The following TEX22 variants were observed in gnomAD, a reference collection of about 807,000 sequenced individuals.
TEX22 encodes the protein testis expressed 22.
Under a neutral mutation model 11.3 loss-of-function variants are expected in TEX22, and 16 were observed. That is an observed-to-expected ratio of 1.42 (90% CI 0.96 to 2.15). The LOEUF (loss-of-function observed/expected upper bound fraction) is 2.15. TEX22 is among the 30% of genes most tolerant of loss of function. The probability of loss-of-function intolerance (pLI) is 0.00; values close to 1 mark genes in which losing one functional copy is unlikely to be tolerated. For synonymous variants in TEX22, 97 were observed against 92.3 expected, an observed-to-expected ratio of 1.05 and a Z score of -0.29; for missense variants, 220 against 208.6, an observed-to-expected ratio of 1.05 and a Z score of -0.34.
At chr14:105,406,345 C>T (rs1555418870) in intron 2 of TEX22, among the ~76,000 whole-genome samples, 1 of 152,184 alleles carries the variant, frequency 6.6e-6, no homozygotes, top group African/African-American at 2.4e-5. Context: ...ATATTTATAA[C>T]ATTCAAATGT....
chr14:105,406,031 G>A (rs587693347), intron 2 of TEX22, among the ~76,000 whole-genome samples: 2 of 152,306 alleles, frequency 1.3e-5, no homozygotes, highest in South Asian at 2.1e-4. Context: ...TTTCAGAGTA[G>A]TGAGAAACAG....
chr14:105,408,075 A>G (rs999423726), intron 2 of TEX22, among the ~76,000 whole-genome samples: 2 of 152,142 alleles, frequency 1.3e-5, no homozygotes, highest in African/African-American at 2.4e-5. Context: ...TGGATTACTC[A>G]TTACTTAAAT....
intron 3 of TEX22, 25 bp downstream of exon 3, chr14:105,411,521 G>GGGGGGCCCCCCCCCCCCC: frequency 2.2e-6 from 1 of 458,520 alleles, no homozygotes. Context: ...GGTCCTCCCC[G>GGGGGGCCCCCCCCCCCCC]CCCCGTCCCC....
At chr14:105,409,831 C>T (rs1195491110) in intron 2 of TEX22, among the ~76,000 whole-genome samples, 4 of 150,020 alleles carry the variant, frequency 2.7e-5, no homozygotes, top group African/African-American at 9.9e-5. Context: ...GGCTGGAGTG[C>T]AGTGGCAAAA....
chr14:105,406,773 G>A (rs1289089937), intron 2 of TEX22, among the ~76,000 whole-genome samples: 3 of 151,848 alleles, frequency 2.0e-5, no homozygotes, highest in Non-Finnish European at 4.4e-5. Flanking sequence ...TAAGGAAAGA[G>A]TAAGTCTGTT....
intron 2 of TEX22, among the ~76,000 whole-genome samples, chr14:105,410,019 T>C (rs1196982009): frequency 4.6e-5 from 7 of 152,184 alleles, no homozygotes; most frequent in Non-Finnish European, 8.8e-5. Context: ...TCCTCCTGCC[T>C]TGGGCTCCCA....
rs1595223730 is a variant in TEX22 at position 105,411,397 on chromosome 14, G to T, written c.180G>T (p.Pro60=). The change falls in exon 3 of 4, where the codon CCG becomes CCT. Residue 60 remains proline, a synonymous_variant. Transcript: ENST00000451127. ...GCGAGCCGCCGGAACGCAGGCGCCC[G>T]GGCCGCCGCTGGAGCGTCAGCATCG... The part of the protein sequence containing the change: ...WVCEPPERRR[P]GRRWSVSIDE... The T allele has an allele frequency of 1.5e-6, 2 of 1,321,160 alleles. No individual in the cohort carries two copies. The highest frequency in any genetic ancestry group is 2.0e-5 in the South Asian group (1 of 50,226). The allele number at this position is 1,321,160 out of a possible 1,614,324, so 81.8% of individuals were successfully genotyped here. A position where few individuals can be genotyped will look rare whatever the true frequency, so the allele number is the denominator to read the frequency against.
intron 2 of TEX22, among the ~76,000 whole-genome samples, chr14:105,405,880 C>A (rs587653844): frequency 5.9e-5 from 9 of 152,296 alleles, no homozygotes; most frequent in African/African-American, 1.7e-4. Flanking sequence ...AGAGCAAGGC[C>A]TGGCTTGTCC....
At chr14:105,404,800 G>T (rs782442162) in intron 2 of TEX22, among the ~76,000 whole-genome samples, 4 of 152,194 alleles carry the variant, frequency 2.6e-5, no homozygotes, top group Non-Finnish European at 5.9e-5. Flanking sequence ...CTGAAGAAAT[G>T]ATCTCAAAGC....
rs1338978185 is a variant in TEX22 at position 105,413,072 on chromosome 14, A to T, written c.*1239A>T. 6 of 152,402 alleles carry T rather than the reference A, an allele frequency of 3.9e-5. No homozygotes were observed. The highest frequency in any genetic ancestry group is 1.4e-4 in the African/African-American group (6 of 41,390). 9.4% of individuals were successfully genotyped at this position (152,402 alleles called of 1,614,324 possible). A position where few individuals can be genotyped will look rare whatever the true frequency, so the allele number is the denominator to read the frequency against. ...CTCCTCCTTCAGGAAGCCTTCCAAGATTACACAGCCAGGTGCTCCCCTTCT... is the reference window on the plus strand; with the variant it reads ...CTCCTCCTTCAGGAAGCCTTCCAAGTTTACACAGCCAGGTGCTCCCCTTCT... On this transcript the variant is annotated 3_prime_UTR_variant, in exon 4 of 4. Transcript: ENST00000451127. This position sits in a 1 kb window ranked among gnomAD's most constrained non-coding sequence, Gnocchi z 4.2.
At chr14:105,402,717 C>G (rs1555418531) in intron 2 of TEX22, among the ~76,000 whole-genome samples, 1 of 147,702 alleles carries the variant, frequency 6.8e-6, no homozygotes, top group Non-Finnish European at 1.5e-5. Context: ...GATTGCGCTA[C>G]TGCACTCCAG....
chr14:105,411,524 C>CCCCGGGG, intron 3 of TEX22, 28 bp downstream of exon 3: 1 of 1,109,020 alleles, frequency 9.0e-7, no homozygotes, highest in Non-Finnish European at 1.1e-6. Flanking sequence ...CCTCCCCGCC[C>CCCCGGGG]CGTCCCCGCC....
chr14:105,405,104 A>G (rs962823529), intron 2 of TEX22, among the ~76,000 whole-genome samples: 5 of 152,134 alleles, frequency 3.3e-5, no homozygotes, highest in Admixed American at 2.6e-4. Context: ...GCCTGGCAAC[A>G]TGGCAAAACC....
At chr14:105,408,429 G>C (rs1311186916) in intron 2 of TEX22, among the ~76,000 whole-genome samples, 2 of 150,962 alleles carry the variant, frequency 1.3e-5, no homozygotes, top group East Asian at 3.9e-4. Flanking sequence ...TTGTTTGTTT[G>C]TTTTTTGTTT....
At chr14:105,402,548 A>G (rs1212699199) in intron 2 of TEX22, among the ~76,000 whole-genome samples, 4 of 151,888 alleles carry the variant, frequency 2.6e-5, no homozygotes, top group Non-Finnish European at 5.9e-5. Flanking sequence ...AGGTCTGGAG[A>G]TCAAGACCAT....
At chr14:105,402,552 A>T (rs917515513) in intron 2 of TEX22, among the ~76,000 whole-genome samples, 3 of 151,832 alleles carry the variant, frequency 2.0e-5, no homozygotes, top group Non-Finnish European at 2.9e-5. Context: ...CTGGAGATCA[A>T]GACCATCCTG....
chr14:105,411,473 G>A lies in TEX22; in HGVS notation c.256G>A (p.Ala86Thr). Residue 86 changes from alanine (A) to threonine (T), a missense_variant, in exon 3 of 4, where the codon GCC (alanine) becomes ACC (threonine). Coordinates refer to ENST00000451127, the MANE Select transcript of TEX22 (RefSeq NM_001195082.2). ...TLGGRERPGA[A>T]GTQLHCRDVV... is the part of the protein sequence containing the mutation. ...GGGCGGCCGGGAGAGGCCGGGCGCC[G>A]CCGGGACCCAGCTGCACTGCAGGGT... 8.1e-7 allele frequency: 1 copy of A among 1,233,172 alleles called. No homozygotes were observed. Among genetic ancestry groups the A allele is most frequent in the Non-Finnish European group, 1.0e-6 (1 of 990,132 alleles). The allele number at this position is 1,233,172 out of a possible 1,614,324, so 76.4% of individuals were successfully genotyped here.
At chr14:105,409,775 T>TTC (rs202073273) in intron 2 of TEX22, among the ~76,000 whole-genome samples, 12 of 150,206 alleles carry the variant, frequency 8.0e-5, no homozygotes, top group African/African-American at 2.5e-4. Context: ...TTCTTTTTCT[T>TTC]TCTCTCTCTC....
intron 2 of TEX22, among the ~76,000 whole-genome samples, chr14:105,402,730 T>TG (rs1566984362): frequency 1.5e-5 from 2 of 134,874 alleles, no homozygotes; most frequent in African/African-American, 6.0e-5. Context: ...CACTCCAGCC[T>TG]GGGCGACAGA....
Sources: gnomAD v4.1 joint callset for allele counts (sites outside exome capture counted in the v4.1 genomes callset) on GRCh38, gnomAD v4.1.1 for gene constraint, Gnocchi (gnomAD v3.1) non-coding constraint, MANE v1.5 for transcripts, NCBI Gene and HGNC (gene_info 2026-07-23, HGNC 2026-07-21) for gene names.